The following ATG14 variants were observed in gnomAD, a reference collection of about 807,000 sequenced individuals.
The protein encoded by ATG14 is beclin 1-associated autophagy-related key regulator.
ATG14 carries 35 observed loss-of-function variants against 60.4 expected under a neutral mutation model. That is an observed-to-expected ratio of 0.58 (90% CI 0.44 to 0.77). ATG14 has a LOEUF of 0.77. ATG14 is among the 30% of genes least tolerant of loss of function. The pLI is 0.00. For synonymous variants in ATG14, 234 were observed against 228.8 expected, an observed-to-expected ratio of 1.02 and a Z score of -0.21; for missense variants, 647 against 626.3, an observed-to-expected ratio of 1.03 and a Z score of -0.35.
At chr14:55,379,777 A>T (rs1433903222) in intron 7 of ATG14, among the ~76,000 whole-genome samples, 1 of 152,204 alleles carries the variant, frequency 6.6e-6, no homozygotes, top group East Asian at 1.9e-4. Context: ...GCTGGAGTGC[A>T]GTGGTGTGAT....
intron 1 of ATG14, among the ~76,000 whole-genome samples, chr14:55,405,163 CT>C (rs1885469447): frequency 6.6e-6 from 1 of 152,170 alleles, no homozygotes; most frequent in Non-Finnish European, 1.5e-5. Context: ...AGCTTTTGTT[CT>C]GCTGAGTTCA....
intron 5 of ATG14, among the ~76,000 whole-genome samples, chr14:55,385,290 T>G (rs573589820): frequency 2.6e-5 from 4 of 151,202 alleles, no homozygotes; most frequent in South Asian, 2.1e-4. Context: ...GGTTCTCTGG[T>G]TTTTTTTTGT....
intron 9 of ATG14, among the ~76,000 whole-genome samples, chr14:55,376,531 G>A (rs958602890): frequency 6.6e-6 from 1 of 152,164 alleles, no homozygotes; most frequent in South Asian, 2.1e-4. Context: ...TTATAAAGGA[G>A]TCTATGTCCT....
chr14:55,372,845 C>T (rs1387699575), intron 9 of ATG14, among the ~76,000 whole-genome samples: 2 of 152,150 alleles, frequency 1.3e-5, no homozygotes, highest in African/African-American at 2.4e-5. Context: ...TCCAAGTTCC[C>T]GGTGGACTCC....
At chr14:55,379,450 G>C (rs1432655316) in intron 7 of ATG14, among the ~76,000 whole-genome samples, 2 of 152,152 alleles carry the variant, frequency 1.3e-5, no homozygotes, top group Non-Finnish European at 2.9e-5. Context: ...GCTGAGGTGG[G>C]AGGATTGCTT....
intron 9 of ATG14, among the ~76,000 whole-genome samples, chr14:55,374,285 T>C (rs1030386429): frequency 2.6e-5 from 4 of 152,216 alleles, no homozygotes; most frequent in Non-Finnish European, 4.4e-5. Flanking sequence ...TTCACAAAAG[T>C]GATCACAGTT....
Position 55,377,851 on chromosome 14 carries a change from G to A in ATG14, c.1140C>T (p.Tyr380=), listed in dbSNP as rs755795573. The stretch of plus-strand genomic sequence containing the variant: ...GGTGTTCAGAGCTTGGACTGACCAG[G>A]TACATTAGATTCCTGAGGGTATGCA... The part of the protein sequence containing the change: ...QPLHTLRNLM[Y]LVSPSSEHLG... The change falls in exon 9 of 10, where the codon TAC becomes TAT. Residue 380 remains tyrosine (Y), a synonymous_variant. Coordinates refer to ENST00000247178, the MANE Select transcript of ATG14 (RefSeq NM_014924.5). 4 of 1,601,746 alleles carry A rather than the reference G, an allele frequency of 2.5e-6. No homozygotes were observed. In the East Asian group the frequency reaches 8.9e-5, roughly 36 times the overall value.
At chr14:55,386,273 C>T (rs1885125009) in intron 4 of ATG14, among the ~76,000 whole-genome samples, 177 bp from the exon 5 acceptor site, 1 of 152,148 alleles carries the variant, frequency 6.6e-6, no homozygotes, top group African/African-American at 2.4e-5. Context: ...AGATATTACA[C>T]ATAAAGCAAA....
chr14:55,399,263 A>G (rs1009206048), intron 1 of ATG14, among the ~76,000 whole-genome samples: 45 of 152,250 alleles, frequency 3.0e-4, no homozygotes, highest in African/African-American at 1.1e-3. Flanking sequence ...TGACTATTTA[A>G]ATTTAAATTA....
intron 1 of ATG14, 45 bp downstream of exon 1, chr14:55,411,557 G>C: frequency 6.5e-7 from 1 of 1,548,412 alleles, no homozygotes; most frequent in Non-Finnish European, 8.8e-7. Context: ...CCTGGCTGGA[G>C]GACACACAGC....
chr14:55,401,424 C>T (rs982042569), intron 1 of ATG14, among the ~76,000 whole-genome samples: 1 of 152,104 alleles, frequency 6.6e-6, no homozygotes, highest in African/African-American at 2.4e-5. Context: ...TTTAATGACA[C>T]TAGTTTTTGT....
intron 1 of ATG14, among the ~76,000 whole-genome samples, chr14:55,408,181 G>T (rs976051603): frequency 2.6e-5 from 4 of 152,176 alleles, no homozygotes; most frequent in Admixed American, 6.5e-5. Context: ...GGCCAGGCAT[G>T]GTGGCTCACA....
At chr14:55,375,685 CCAGTT>C (rs1235762845) in intron 9 of ATG14, among the ~76,000 whole-genome samples, 1 of 151,864 alleles carries the variant, frequency 6.6e-6, no homozygotes, top group Non-Finnish European at 1.5e-5. Context: ...TCTTGGATAT[CCAGTT>C]CAATAATTAT....
intron 1 of ATG14, among the ~76,000 whole-genome samples, chr14:55,409,499 T>C (rs1020734596): frequency 3.3e-5 from 5 of 152,032 alleles, no homozygotes; most frequent in Non-Finnish European, 5.9e-5. Flanking sequence ...GCTGGTTAAA[T>C]ACGCATGAGG....
Position 55,411,612 on chromosome 14 carries a change from C to T in ATG14, c.211G>A (p.Asp71Asn). ...SGDFVYFDGR[D>N]RERFIDKKER... Reference sequence around the variant, plus strand: ...TGGCGGCCGCCGTACCTCTCCCGGTCGCGGCCGTCGAAGTAGACGAAATCG... The same window carrying T: ...TGGCGGCCGCCGTACCTCTCCCGGTTGCGGCCGTCGAAGTAGACGAAATCG... The change falls in exon 1 of 10, where the codon GAC becomes AAC. Residue 71 changes from aspartate (D) to asparagine (N), a missense_variant. Asp to Asn is a conservative substitution (Grantham distance 23, BLOSUM62 1). Coordinates refer to ENST00000247178, the MANE Select transcript of ATG14 (RefSeq NM_014924.5). The T allele has an allele frequency of 6.2e-7, 1 of 1,608,550 alleles. No individual in the cohort carries two copies.
intron 7 of ATG14, 45 bp downstream of exon 7, chr14:55,380,528 G>A: frequency 7.8e-7 from 1 of 1,276,960 alleles, no homozygotes; most frequent in Non-Finnish European, 1.1e-6. Flanking sequence ...ATAGAAACTT[G>A]AAAGAGCCAT....
At chr14:55,407,606 T>C (rs1449628505) in intron 1 of ATG14, among the ~76,000 whole-genome samples, 1 of 152,220 alleles carries the variant, frequency 6.6e-6, no homozygotes, top group Non-Finnish European at 1.5e-5. Flanking sequence ...TTGACATTCC[T>C]TCAACAACAT....
chr14:55,400,477 T>G (rs1432493369), intron 1 of ATG14, among the ~76,000 whole-genome samples: 1 of 152,188 alleles, frequency 6.6e-6, no homozygotes, highest in African/African-American at 2.4e-5. Flanking sequence ...ACCATATAAT[T>G]TATTTATATA....
At chr14:55,398,667 T>C (rs1315683926) in intron 1 of ATG14, among the ~76,000 whole-genome samples, 1 of 152,214 alleles carries the variant, frequency 6.6e-6, no homozygotes, top group Non-Finnish European at 1.5e-5. Flanking sequence ...GAGACTGTCT[T>C]ATGGCTTTGC....
Sources: gnomAD v4.1 joint callset for allele counts (sites outside exome capture counted in the v4.1 genomes callset) on GRCh38, gnomAD v4.1.1 for gene constraint, MANE v1.5 for transcripts, NCBI Gene and HGNC (gene_info 2026-07-23, HGNC 2026-07-21) for gene names.